The following CLASP1 variants were observed in gnomAD, a reference collection of about 807,000 sequenced individuals.
CLASP1 encodes cytoplasmic linker associated protein 1.
In CLASP1, 38 loss-of-function variants were observed where a neutral mutation model predicts 192.3. That is an observed-to-expected ratio of 0.20 (90% CI 0.15 to 0.26). The LOEUF is 0.26. Among genes scored for constraint, CLASP1 ranks in the 10% least tolerant of loss-of-function variants. The pLI is 1.00. For missense variants in CLASP1, 1,433 were observed against 1,932.5 expected (o/e 0.74, Z 4.85); for synonymous variants, 691 against 712.8 (o/e 0.97, Z 0.49).
chr2:121,643,115 T>C (rs948816854), intron 1 of CLASP1, among the ~76,000 whole-genome samples: 1 of 152,244 alleles, frequency 6.6e-6, no homozygotes, highest in Non-Finnish European at 1.5e-5. Flanking sequence ...AAACGCACCA[T>C]GCTATCAGAT....
chr2:121,447,958 G>T (rs900005184), intron 18 of CLASP1, among the ~76,000 whole-genome samples: 3 of 152,172 alleles, frequency 2.0e-5, no homozygotes, highest in Non-Finnish European at 4.4e-5. Context: ...ACGCCACCAA[G>T]ATGTCTTCAC....
intron 2 of CLASP1, among the ~76,000 whole-genome samples, chr2:121,533,703 T>A (rs889290674): frequency 6.6e-6 from 1 of 152,240 alleles, no homozygotes; most frequent in Non-Finnish European, 1.5e-5. Context: ...CCATTAACTC[T>A]GCGTGACCCT....
intron 8 of CLASP1, among the ~76,000 whole-genome samples, chr2:121,500,376 G>GAAAGAAAGAAAGAAAGAAAGA (rs1240580722): frequency 1.1e-5 from 1 of 94,672 alleles, no homozygotes; most frequent in Non-Finnish European, 2.0e-5. Context: ...AAGAAAGAAA[G>GAAAGAAAGAAAGAAAGAAAGA]AAAGAAAGAA....
chr2:121,517,382 T>C (rs958066583), intron 6 of CLASP1, among the ~76,000 whole-genome samples: 3 of 152,182 alleles, frequency 2.0e-5, no homozygotes, highest in African/African-American at 7.2e-5. Flanking sequence ...GTCCTCTGAT[T>C]TAACAGTGTT....
chr2:121,497,364 G>GT (rs1167316321), intron 8 of CLASP1, among the ~76,000 whole-genome samples: 3 of 152,084 alleles, frequency 2.0e-5, no homozygotes, highest in Non-Finnish European at 4.4e-5. Flanking sequence ...AATATTTATT[G>GT]TTTTGTGTTT....
chr2:121,358,256 T>C (rs1479365788), intron 37 of CLASP1, among the ~76,000 whole-genome samples: 1 of 152,220 alleles, frequency 6.6e-6, no homozygotes, highest in African/African-American at 2.4e-5. Context: ...ATTTAGAATT[T>C]GAGGATTTTG....
chr2:121,518,212 C>A (rs890432672), intron 6 of CLASP1, among the ~76,000 whole-genome samples: 1 of 116,762 alleles, frequency 8.6e-6, no homozygotes. Flanking sequence ...GCCTGGGTGA[C>A]AGAGCGAGAC....
At chr2:121,494,556 G>C (rs957495650) in intron 8 of CLASP1, among the ~76,000 whole-genome samples, 1 of 152,112 alleles carries the variant, frequency 6.6e-6, no homozygotes, top group African/African-American at 2.4e-5. Flanking sequence ...GATAACTACA[G>C]TCAATATTTA....
At chr2:121,473,733 A>G (rs970142965) in intron 8 of CLASP1, among the ~76,000 whole-genome samples, 2 of 152,350 alleles carry the variant, frequency 1.3e-5, no homozygotes, top group Admixed American at 1.3e-4. Flanking sequence ...GACATAGCAC[A>G]CAGAAGAACA....
chr2:121,435,854 A>G lies in CLASP1; in HGVS notation c.1913-5677T>C, dbSNP rs373857656. 1.2e-4 allele frequency among the ~76,000 whole-genome samples: 19 copies of G among 152,280 alleles called. No individual in the cohort carries two copies. In the South Asian group the frequency reaches 3.9e-3, roughly 32 times the overall value. ...TCTTTATGCAGTTTCTCTCAATGGT[A>G]ACATCTTACAAAGCTATAGTATAAA... On this transcript the variant is annotated intron_variant, in intron 19 of 39. Transcript: ENST00000263710.
intron 19 of CLASP1, among the ~76,000 whole-genome samples, chr2:121,432,641 AT>A (rs1402778484): frequency 6.6e-6 from 1 of 152,228 alleles, no homozygotes; most frequent in African/African-American, 2.4e-5. Flanking sequence ...CTTTGTCAAT[AT>A]CTTTTGATAA....
intron 2 of CLASP1, chr2:121,532,666 A>C (rs1230473801): frequency 6.6e-6 from 1 of 152,232 alleles, no homozygotes; most frequent in Non-Finnish European, 1.5e-5. Flanking sequence ...AACAGGAGCC[A>C]AGGGAAACAT....
At chr2:121,352,480 G>A (rs114003100) in intron 37 of CLASP1, among the ~76,000 whole-genome samples, 1 of 152,164 alleles carries the variant, frequency 6.6e-6, no homozygotes, top group African/African-American at 2.4e-5. Flanking sequence ...TTAGACCCTG[G>A]TGTGTACGTG....
chr2:121,348,399 G>A (rs1558812291), intron 38 of CLASP1, 113 bp downstream of exon 39: 2 of 939,212 alleles, frequency 2.1e-6, no homozygotes, highest in East Asian at 5.3e-5. Flanking sequence ...GGTCCTGCCT[G>A]GTTTTTCCTA....
At chr2:121,395,590 T>C (rs1274015735) in intron 30 of CLASP1, among the ~76,000 whole-genome samples, 3 of 152,216 alleles carry the variant, frequency 2.0e-5, no homozygotes, top group Non-Finnish European at 4.4e-5. Context: ...ACATGACTAC[T>C]GTCCTTTCCC....
chr2:121,398,455 G>T, intron 28 of CLASP1, 55 bp from the exon 30 acceptor site: 1 of 1,195,686 alleles, frequency 8.4e-7, no homozygotes, highest in Non-Finnish European at 1.2e-6. Flanking sequence ...ACAAAACAAT[G>T]TAAAACTATT....
chr2:121,622,595 G>A (rs71424392), intron 1 of CLASP1, among the ~76,000 whole-genome samples: 2,270 of 151,274 alleles, frequency 0.015, 26 homozygotes, highest in South Asian at 0.048. Context: ...TCTAAGTTCT[G>A]CATTTCTTTT....
intron 9 of CLASP1, among the ~76,000 whole-genome samples, chr2:121,463,488 AT>A (rs2088583984): frequency 6.6e-6 from 1 of 152,186 alleles, no homozygotes; most frequent in Non-Finnish European, 1.5e-5. Context: ...ACTATAAAGG[AT>A]GACCGTCACT....
chr2:121,531,051 A>T (rs537498090), intron 2 of CLASP1: 2 of 697,516 alleles, frequency 2.9e-6, no homozygotes, highest in African/African-American at 3.5e-5. Flanking sequence ...AACAGCAGTA[A>T]TTCGTAAATA....
Sources: gnomAD v4.1 joint callset for allele counts (sites outside exome capture counted in the v4.1 genomes callset) on GRCh38, gnomAD v4.1.1 for gene constraint, MANE v1.5 for transcripts, NCBI Gene and HGNC (gene_info 2026-07-23, HGNC 2026-07-21) for gene names.